Variants in IMMT observed in about 807,000 individuals in gnomAD.
IMMT encodes the protein MICOS complex subunit MIC60.
Under a neutral mutation model 92.7 loss-of-function variants are expected in IMMT, and 40 were observed. That is an observed-to-expected ratio of 0.43 (90% CI 0.34 to 0.56). The LOEUF (loss-of-function observed/expected upper bound fraction) is 0.56, where lower values mean the gene tolerates loss of function less well. Among genes scored for constraint, IMMT ranks in the 20% least tolerant of loss-of-function variants. IMMT has a pLI of 0.03. For synonymous variants in IMMT, 322 were observed against 336.1 expected (o/e 0.96, Z 0.46); for missense variants, 831 against 912.1 (o/e 0.91, Z 1.14).
At chr2:86,173,794 ATAC>A (rs1351485348) in intron 3 of IMMT, 33 bp from the exon 4 acceptor site, 2 of 1,155,196 alleles carry the variant, frequency 1.7e-6, no homozygotes, top group Admixed American at 2.1e-5. Flanking sequence ...CATTTCAGAT[ATAC>A]TACTGTTTTT....
intron 1 of IMMT, among the ~76,000 whole-genome samples, chr2:86,191,720 G>A (rs1433901265): frequency 8.3e-5 from 12 of 144,720 alleles, no homozygotes; most frequent in African/African-American, 2.8e-4. Flanking sequence ...TGGCTAACAC[G>A]GTGAAACCCC....
chr2:86,151,094 T>G (rs1675440291), intron 12 of IMMT, among the ~76,000 whole-genome samples: 2 of 152,136 alleles, frequency 1.3e-5, no homozygotes, highest in South Asian at 4.1e-4. Context: ...TTTTTGTATT[T>G]TTAGAAGAGA....
chr2:86,160,898 C>G (rs1330290127), intron 8 of IMMT, among the ~76,000 whole-genome samples: 1 of 152,156 alleles, frequency 6.6e-6, no homozygotes, highest in Non-Finnish European at 1.5e-5. Flanking sequence ...TGTAGAGATA[C>G]ATCATCTAAG....
intron 1 of IMMT, among the ~76,000 whole-genome samples, chr2:86,194,693 G>A (rs992745040): frequency 7.2e-5 from 11 of 152,134 alleles, no homozygotes; most frequent in African/African-American, 2.7e-4. Flanking sequence ...TAGTCCCAGC[G>A]CCTGGAGACA....
intron 6 of IMMT, among the ~76,000 whole-genome samples, chr2:86,166,908 A>G (rs572988037): frequency 6.6e-6 from 1 of 151,646 alleles, no homozygotes; most frequent in East Asian, 2.0e-4. Flanking sequence ...GACCAACCTG[A>G]CCAATGTGGT....
At chr2:86,174,816 T>A (rs1677323804) in intron 3 of IMMT, among the ~76,000 whole-genome samples, 1 of 152,244 alleles carries the variant, frequency 6.6e-6, no homozygotes, top group Non-Finnish European at 1.5e-5. Context: ...TATCCTCATA[T>A]AACGATTTCC....
chr2:86,164,074 T>TTTTTTGG (rs869251997), intron 7 of IMMT, among the ~76,000 whole-genome samples: 1 of 116,270 alleles, frequency 8.6e-6, no homozygotes, highest in Non-Finnish European at 1.9e-5. Context: ...TTTTTTTTTT[T>TTTTTTGG]GAGATGGAGT....
chr2:86,175,542 A>G (rs1032749836), intron 3 of IMMT, among the ~76,000 whole-genome samples: 15 of 152,156 alleles, frequency 9.9e-5, no homozygotes, highest in Admixed American at 3.3e-4. Flanking sequence ...CCAGGAATGT[A>G]ACAGTTGTAA....
intron 1 of IMMT, among the ~76,000 whole-genome samples, chr2:86,186,564 C>A (rs1370394572): frequency 1.4e-4 from 21 of 152,180 alleles, no homozygotes; most frequent in Non-Finnish European, 2.9e-5. Context: ...TGGAACCCAG[C>A]CACCAAAGTG....
chr2:86,163,727 A>G (rs904882081), intron 7 of IMMT, among the ~76,000 whole-genome samples: 1 of 151,862 alleles, frequency 6.6e-6, no homozygotes, highest in Non-Finnish European at 1.5e-5. Context: ...AATCCCAGCA[A>G]TTTTGGAGGC....
intron 12 of IMMT, among the ~76,000 whole-genome samples, chr2:86,150,489 G>A (rs1675385260): frequency 6.6e-6 from 1 of 152,194 alleles, no homozygotes; most frequent in Non-Finnish European, 1.5e-5. Flanking sequence ...AAGAAGGAAG[G>A]AGTGGCCAGT....
chr2:86,195,385 CGGTCA>C lies in IMMT; in HGVS notation c.-8_-4del. 6.5e-7 allele frequency: 1 copy of C among 1,548,678 alleles called. No homozygotes were observed. Among genetic ancestry groups the C allele is most frequent in the Non-Finnish European group, 8.7e-7 (1 of 1,146,040 alleles). ...GATAACTGACAGGCCCGCAGCATCTCGGTCAAGCGGACGGCGCTGCTGGTGGACTC... is the reference window on the plus strand; with the variant it reads ...GATAACTGACAGGCCCGCAGCATCTCAGCGGACGGCGCTGCTGGTGGACTC... On this transcript the variant is annotated 5_prime_UTR_variant, in exon 1 of 15. Coordinates refer to ENST00000410111, the MANE Select transcript of IMMT (RefSeq NM_006839.3).
chr2:86,170,296 G>A (rs1676992590), intron 6 of IMMT, among the ~76,000 whole-genome samples: 1 of 152,152 alleles, frequency 6.6e-6, no homozygotes, highest in Non-Finnish European at 1.5e-5. Context: ...GTACACGCCT[G>A]TAGTCCCAGC....
intron 3 of IMMT, among the ~76,000 whole-genome samples, chr2:86,178,463 A>G (rs1677598560): frequency 6.6e-6 from 1 of 151,828 alleles, no homozygotes; most frequent in Admixed American, 6.6e-5. Context: ...CGTCCCTACT[A>G]AAAATACAAA....
At chr2:86,180,864 G>A (rs1672391786) in intron 2 of IMMT, among the ~76,000 whole-genome samples, 2 of 151,726 alleles carry the variant, frequency 1.3e-5, no homozygotes, top group Non-Finnish European at 2.9e-5. Context: ...TCCAGCCTGG[G>A]CAACAGAGCG....
intron 1 of IMMT, among the ~76,000 whole-genome samples, chr2:86,189,477 C>T (rs753145708): frequency 3.5e-4 from 53 of 152,160 alleles, no homozygotes; most frequent in Non-Finnish European, 3.7e-4. Context: ...TCAAGTGTTC[C>T]GCCCCATGAT....
intron 3 of IMMT, among the ~76,000 whole-genome samples, chr2:86,174,411 CA>C (rs1368593310): frequency 6.6e-6 from 1 of 152,202 alleles, no homozygotes; most frequent in Non-Finnish European, 1.5e-5. Context: ...ATATCCCTAA[CA>C]TGACTACTTA....
At chr2:86,185,633 G>C (rs1672722489) in intron 1 of IMMT, among the ~76,000 whole-genome samples, 2 of 152,126 alleles carry the variant, frequency 1.3e-5, no homozygotes, top group South Asian at 4.1e-4. Context: ...GATAAGATGT[G>C]TATCATGCAT....
chr2:86,158,647 A>T lies in IMMT; in HGVS notation c.1107T>A (p.Phe369Leu). 1.2e-6 allele frequency: 2 copies of T among 1,606,284 alleles called. No individual in the cohort carries two copies. The highest frequency in any genetic ancestry group is 1.7e-6 in the Non-Finnish European group (2 of 1,175,948). Residue 369 changes from phenylalanine (F) to leucine (L), a missense_variant, in exon 10 of 15, where the codon TTT becomes TTA. By Grantham distance (22) the Phe-to-Leu change is conservative. Coordinates refer to ENST00000410111, the MANE Select transcript of IMMT (RefSeq NM_006839.3). ...GAGTAATACTGTCCAGCTCTCGTTTAAAGTCATCCCGAGCTTGGACCACCA... is the reference window on the plus strand; with the variant it reads ...GAGTAATACTGTCCAGCTCTCGTTTTAAGTCATCCCGAGCTTGGACCACCA... Reference protein sequence around the residue: ...HELVVQARDDFKRELDSITPE... With the variant: ...HELVVQARDDLKRELDSITPE...
Sources: gnomAD v4.1 joint callset for allele counts (sites outside exome capture counted in the v4.1 genomes callset) on GRCh38, gnomAD v4.1.1 for gene constraint, MANE v1.5 for transcripts, NCBI Gene and HGNC (gene_info 2026-07-23, HGNC 2026-07-21) for gene names.